PPFIA2: variants seen among roughly 807,000 people sequenced by gnomAD.
PPFIA2 encodes the protein liprin-alpha-2.
In PPFIA2, 46 loss-of-function variants were observed where a neutral mutation model predicts 175.5. That is an observed-to-expected ratio of 0.26 (90% CI 0.21 to 0.34). The LOEUF (loss-of-function observed/expected upper bound fraction) is 0.34. Among genes scored for constraint, PPFIA2 ranks in the 10% least tolerant of loss-of-function variants. The pLI, the probability that PPFIA2 is intolerant of heterozygous loss-of-function variation, is 1.00. For missense variants in PPFIA2, 1,179 were observed against 1,506.1 expected (o/e 0.78, Z 3.60); for synonymous variants, 568 against 511.4 (o/e 1.11, Z -1.49).
intron 22 of PPFIA2, among the ~76,000 whole-genome samples, chr12:81,300,649 C>G (rs1307661101): frequency 6.6e-6 from 1 of 152,066 alleles, no homozygotes; most frequent in Non-Finnish European, 1.5e-5. Flanking sequence ...TATTCAGCAC[C>G]TGGGAAAGGG....
intron 7 of PPFIA2, among the ~76,000 whole-genome samples, chr12:81,428,766 A>C (rs976337102): frequency 6.6e-6 from 1 of 152,044 alleles, no homozygotes; most frequent in African/African-American, 2.4e-5. Context: ...ACAATCTTCT[A>C]ACCAAAAATG....
chr12:81,643,447 C>A (rs2065635147), intron 4 of PPFIA2, among the ~76,000 whole-genome samples: 1 of 151,966 alleles, frequency 6.6e-6, no homozygotes. Flanking sequence ...GGAATACTTT[C>A]ATTAGATGCA....
intron 16 of PPFIA2, among the ~76,000 whole-genome samples, chr12:81,354,058 A>T (rs2060476544): frequency 6.6e-6 from 1 of 152,236 alleles, no homozygotes; most frequent in African/African-American, 2.4e-5. Flanking sequence ...GCTAATGATC[A>T]TCTGAGCCTT....
chr12:81,706,338 TAC>T (rs1405895124), intron 3 of PPFIA2, among the ~76,000 whole-genome samples: 1 of 152,230 alleles, frequency 6.6e-6, no homozygotes, highest in Non-Finnish European at 1.5e-5. Context: ...GAGGCTATAT[TAC>T]ATATTTTCAA....
chr12:81,557,193 CTA>C (rs1491419182), intron 4 of PPFIA2, among the ~76,000 whole-genome samples: 5 of 128,760 alleles, frequency 3.9e-5, no homozygotes, highest in African/African-American at 1.5e-4. Flanking sequence ...GATCTTATAT[CTA>C]CACACACACA....
At chr12:81,716,343 T>C (rs1041715070) in intron 3 of PPFIA2, among the ~76,000 whole-genome samples, 5 of 151,820 alleles carry the variant, frequency 3.3e-5, no homozygotes, top group African/African-American at 1.2e-4. Flanking sequence ...AAGAAGAGCA[T>C]AGAGCTAATT....
At chr12:81,681,840 A>T (rs1447999214) in intron 3 of PPFIA2, among the ~76,000 whole-genome samples, 2 of 152,024 alleles carry the variant, frequency 1.3e-5, no homozygotes, top group Non-Finnish European at 2.9e-5. Context: ...TAATTTGGCT[A>T]TCGAATACAG....
At chr12:81,567,634 T>C (rs1037316916) in intron 4 of PPFIA2, among the ~76,000 whole-genome samples, 4 of 152,186 alleles carry the variant, frequency 2.6e-5, no homozygotes, top group Admixed American at 1.3e-4. Flanking sequence ...AGTGAAAACT[T>C]TGGACACCTG....
intron 4 of PPFIA2, among the ~76,000 whole-genome samples, chr12:81,661,206 C>T (rs1303287021): frequency 6.6e-6 from 1 of 152,084 alleles, no homozygotes; most frequent in Non-Finnish European, 1.5e-5. Flanking sequence ...CAATATTGAC[C>T]TTAAATGTAA....
chr12:81,413,943 G>T (rs74104449), intron 7 of PPFIA2, among the ~76,000 whole-genome samples: 3,194 of 151,748 alleles, frequency 0.021, 110 homozygotes, highest in African/African-American at 0.074. Flanking sequence ...AGAACTTCTA[G>T]CTGTAATAAT....
chr12:81,556,996 T>A (rs2153382570), intron 4 of PPFIA2, among the ~76,000 whole-genome samples: 1 of 152,048 alleles, frequency 6.6e-6, no homozygotes, highest in African/African-American at 2.4e-5. Flanking sequence ...AAAATATTTT[T>A]TAAAATATTT....
In PPFIA2 at chr12:81,258,426, G is replaced by A. The variant is rs1049725361; in HGVS notation, c.*1268C>T. ...AGAAATTACTAATGACAGGTCTTGC[G>A]CTTAATAAGATCAAGCAGCAGAAAA... On this transcript the variant is annotated 3_prime_UTR_variant, in exon 33 of 33. Transcript: ENST00000549396. 6.6e-6 allele frequency: 1 copy of A among 152,002 alleles called. No homozygotes were observed. Among genetic ancestry groups the A allele is most frequent in the Non-Finnish European group, 1.5e-5 (1 of 68,012 alleles). The allele number at this position is 152,002 out of a possible 1,614,324, so 9.4% of individuals were successfully genotyped here.
At chr12:81,744,540 A>C (rs2082787736) in intron 3 of PPFIA2, among the ~76,000 whole-genome samples, 1 of 150,562 alleles carries the variant, frequency 6.6e-6, no homozygotes, top group Admixed American at 6.7e-5. Context: ...CTCCTGCTTC[A>C]GTCTCTCAAG....
At chr12:81,552,362 C>A (rs1026129195) in intron 4 of PPFIA2, among the ~76,000 whole-genome samples, 1 of 149,480 alleles carries the variant, frequency 6.7e-6, no homozygotes, top group South Asian at 2.1e-4. Flanking sequence ...GTGTAATATA[C>A]ACATTTTTTT....
intron 4 of PPFIA2, among the ~76,000 whole-genome samples, chr12:81,581,459 C>T (rs140661663): frequency 9.9e-5 from 15 of 151,822 alleles, no homozygotes; most frequent in Admixed American, 4.6e-4. Flanking sequence ...CAGGACTTTA[C>T]GCGCAGGTCC....
chr12:81,341,340 T>TTATGTATG, intron 19 of PPFIA2, 132 bp from the exon 20 acceptor site: 1 of 807,438 alleles, frequency 1.2e-6, no homozygotes. Flanking sequence ...CTTGGGGCAT[T>TTATGTATG]TAAGTCTTAC....
Position 81,721,933 on chromosome 12 carries a change from C to A in PPFIA2, c.249+32040G>T, listed in dbSNP as rs183663407. On this transcript the variant is annotated intron_variant, in intron 3 of 32. Transcript: ENST00000549396. ...ATAACAGTGTCTGATATATTATAAGCACATAATAGATATTACTATTATTAT... is the reference window on the plus strand; with the variant it reads ...ATAACAGTGTCTGATATATTATAAGAACATAATAGATATTACTATTATTAT... Among the ~76,000 whole-genome samples the A allele has an allele frequency of 2.3e-3, 354 of 151,042 alleles. 1 individual carries two copies. The highest frequency in any genetic ancestry group is 8.3e-3 in the African/African-American group (343 of 41,352).
chr12:81,358,012 TA>T, intron 16 of PPFIA2, 69 bp downstream of exon 16: 1 of 1,370,704 alleles, frequency 7.3e-7, no homozygotes. Flanking sequence ...ATCTCAGTGT[TA>T]AAATTCTATC....
intron 21 of PPFIA2, among the ~76,000 whole-genome samples, chr12:81,338,259 A>G (rs1330382601): frequency 6.6e-6 from 1 of 152,124 alleles, no homozygotes; most frequent in Non-Finnish European, 1.5e-5. Flanking sequence ...TTCAGCACTT[A>G]CCACTGTAGG....
Sources: allele counts gnomAD v4.1 joint callset (sites outside exome capture counted in the v4.1 genomes callset), GRCh38; gene constraint gnomAD v4.1.1; transcripts MANE v1.5; gene names NCBI Gene and HGNC (gene_info 2026-07-23, HGNC 2026-07-21).